CACNA2D3: variants seen among roughly 807,000 people sequenced by gnomAD.
CACNA2D3 encodes the protein calcium voltage-gated channel auxiliary subunit alpha2delta 3.
Under a neutral mutation model 160.6 loss-of-function variants are expected in CACNA2D3, and 60 were observed. That is an observed-to-expected ratio of 0.37 (90% CI 0.30 to 0.46). The LOEUF (loss-of-function observed/expected upper bound fraction) is 0.46, where lower values mean the gene tolerates loss of function less well. CACNA2D3 is among the 20% of genes least tolerant of loss of function. The pLI, the probability that CACNA2D3 is intolerant of heterozygous loss-of-function variation, is 1.00. For missense variants in CACNA2D3, 1,205 were observed against 1,365.0 expected, an observed-to-expected ratio of 0.88 and a Z score of 1.85; for synonymous variants, 558 against 492.9, an observed-to-expected ratio of 1.13 and a Z score of -1.75.
At chr3:54,612,433 A>G (rs73844114) in intron 9 of CACNA2D3, among the ~76,000 whole-genome samples, 2,764 of 152,290 alleles carry the variant, frequency 0.018, 97 homozygotes, top group African/African-American at 0.063. Context: ...AAAAAGGCCA[A>G]GTTGGCTTTA....
chr3:54,666,755 A>G (rs1280761907), intron 11 of CACNA2D3, among the ~76,000 whole-genome samples: 1 of 152,232 alleles, frequency 6.6e-6, no homozygotes, highest in Non-Finnish European at 1.5e-5. Context: ...AAGACAAAAG[A>G]TCAGTCTTAT....
At chr3:55,022,884 C>A (rs1351191896) in intron 35 of CACNA2D3, among the ~76,000 whole-genome samples, 2 of 151,918 alleles carry the variant, frequency 1.3e-5, no homozygotes, top group African/African-American at 4.8e-5. Context: ...ATTTTCTAAC[C>A]TTCTAGTTCT....
chr3:54,330,210 ATGTGTGTGTGTG>A (rs10591706), intron 3 of CACNA2D3, among the ~76,000 whole-genome samples: 149 of 146,628 alleles, frequency 1.0e-3, no homozygotes, highest in African/African-American at 2.6e-3. Context: ...TTTAATTGAT[ATGTGTGTGTGTG>A]TGTGTGTGTG....
At chr3:54,777,286 A>T (rs1157504223) in intron 13 of CACNA2D3, among the ~76,000 whole-genome samples, 1 of 152,178 alleles carries the variant, frequency 6.6e-6, no homozygotes, top group Admixed American at 6.5e-5. Flanking sequence ...GTAGCAGAGA[A>T]TCACTCTTGC....
At chr3:54,981,253 A>G (rs1204542362) in intron 29 of CACNA2D3, among the ~76,000 whole-genome samples, 1 of 152,188 alleles carries the variant, frequency 6.6e-6, no homozygotes, top group Non-Finnish European at 1.5e-5. Context: ...CTTCTTGAAC[A>G]GTGGTTTTAT....
intron 27 of CACNA2D3, chr3:54,918,700 C>T (rs11541701): frequency 1.5e-5 from 24 of 1,614,030 alleles, no homozygotes; most frequent in Admixed American, 3.3e-5. Context: ...CAAGAGTTCT[C>T]GCTCCCCCGC....
chr3:54,626,293 A>G lies in CACNA2D3; in HGVS notation c.964-1494A>G, dbSNP rs557539755. On this transcript the variant is annotated intron_variant, in intron 9 of 37. Coordinates refer to ENST00000474759, the MANE Select transcript of CACNA2D3 (RefSeq NM_018398.3). ...CGTGGACCTGGACCAGCTGCTGGAC[A>G]TGTCCTACAAGCGGCTGATGCCGCT... 3.3e-4 allele frequency: 493 copies of G among 1,513,736 alleles called. 3 individuals are homozygous for G. The South Asian group carries it at 5.2e-3, about 16-fold the overall frequency. 93.8% of individuals were successfully genotyped at this position (1,513,736 alleles called of 1,614,324 possible).
intron 2 of CACNA2D3, among the ~76,000 whole-genome samples, chr3:54,228,002 C>G (rs1701705763): frequency 1.3e-5 from 2 of 152,168 alleles, no homozygotes; most frequent in African/African-American, 4.8e-5. Flanking sequence ...GTTCTTTGTT[C>G]TACCATGTTC....
At chr3:54,168,682 G>T (rs1700502939) in intron 2 of CACNA2D3, among the ~76,000 whole-genome samples, 2 of 152,270 alleles carry the variant, frequency 1.3e-5, no homozygotes, top group South Asian at 2.1e-4. Flanking sequence ...CTCCTTTAGG[G>T]CAGGCTTGTT....
At chr3:54,230,772 T>C (rs1296547333) in intron 2 of CACNA2D3, among the ~76,000 whole-genome samples, 1 of 152,254 alleles carries the variant, frequency 6.6e-6, no homozygotes. Context: ...CAATATTTTA[T>C]ATAGGTAGAT....
chr3:54,883,083 T>TA (rs1311882675), intron 21 of CACNA2D3, among the ~76,000 whole-genome samples: 1 of 152,066 alleles, frequency 6.6e-6, no homozygotes, highest in African/African-American at 2.4e-5. Context: ...TGCAATGGTG[T>TA]GATCTCAGCT....
chr3:54,147,178 C>G (rs186142899), intron 2 of CACNA2D3, among the ~76,000 whole-genome samples: 1 of 152,242 alleles, frequency 6.6e-6, no homozygotes, highest in African/African-American at 2.4e-5. Flanking sequence ...TGCCTGCTGG[C>G]TGTCACTTGG....
chr3:54,223,068 A>C (rs1263659839), intron 2 of CACNA2D3, among the ~76,000 whole-genome samples: 1 of 152,118 alleles, frequency 6.6e-6, no homozygotes, highest in Non-Finnish European at 1.5e-5. Context: ...TTGTTAATTA[A>C]ATCTTCTTAT....
chr3:54,454,525 A>G (rs1031235574), intron 4 of CACNA2D3, among the ~76,000 whole-genome samples: 5 of 152,190 alleles, frequency 3.3e-5, no homozygotes, highest in African/African-American at 1.2e-4. Flanking sequence ...GTTTCAATAC[A>G]TGTGCACAAT....
At chr3:54,816,998 G>C in intron 14 of CACNA2D3, 128 bp downstream of exon 14, 1 of 1,116,306 alleles carries the variant, frequency 9.0e-7, no homozygotes, top group South Asian at 1.5e-5. Context: ...TCAGAAACCT[G>C]AAGTTGGGCA....
intron 10 of CACNA2D3, among the ~76,000 whole-genome samples, chr3:54,630,322 A>G (rs1485975382): frequency 6.6e-6 from 1 of 150,924 alleles, no homozygotes; most frequent in Middle Eastern, 3.4e-3. Context: ...CCCTTCCTCT[A>G]TTTTCTGTTC....
chr3:54,375,841 G>A (rs867596745), intron 3 of CACNA2D3, among the ~76,000 whole-genome samples: 9 of 152,120 alleles, frequency 5.9e-5, no homozygotes, highest in South Asian at 2.1e-4. Context: ...AGAGATGGCC[G>A]TGGCTTTGCT....
At chr3:54,405,317 A>G (rs1699555631) in intron 4 of CACNA2D3, among the ~76,000 whole-genome samples, 1 of 151,650 alleles carries the variant, frequency 6.6e-6, no homozygotes, top group African/African-American at 2.4e-5. Context: ...TTTCCTGTTA[A>G]AATTATATTA....
intron 17 of CACNA2D3, among the ~76,000 whole-genome samples, chr3:54,857,248 C>A (rs966023459): frequency 1.4e-4 from 22 of 152,158 alleles, no homozygotes; most frequent in Admixed American, 1.1e-3. Flanking sequence ...GGGTAGGTGA[C>A]CCAGGTTTTG....
Sources: gnomAD v4.1 joint callset for allele counts (sites outside exome capture counted in the v4.1 genomes callset) on GRCh38, gnomAD v4.1.1 for gene constraint, MANE v1.5 for transcripts, NCBI Gene and HGNC (gene_info 2026-07-23, HGNC 2026-07-21) for gene names.